The following FSD1L variants were observed in gnomAD, a reference collection of about 807,000 sequenced individuals.
FSD1L encodes the protein FSD1-like protein.
A neutral mutation model predicts 71.6 loss-of-function variants in FSD1L; 45 were observed. The observed-to-expected ratio is 0.63, with a 90% confidence interval of 0.49 to 0.81. The LOEUF is 0.81. Ranked by LOEUF, FSD1L falls within the 30% of genes least tolerant of loss-of-function variation. The pLI is 0.00. For missense variants in FSD1L, 561 were observed against 618.1 expected, an observed-to-expected ratio of 0.91 and a Z score of 0.98; for synonymous variants, 197 against 207.2, an observed-to-expected ratio of 0.95 and a Z score of 0.42.
chr9:105,483,264 TAACTA>T (rs1832328136), intron 6 of FSD1L, among the ~76,000 whole-genome samples: 1 of 152,074 alleles, frequency 6.6e-6, no homozygotes, highest in African/African-American at 2.4e-5. Flanking sequence ...TGAAGTAAAA[TAACTA>T]AATACAGAAA....
At chr9:105,494,673 G>C (rs1319267816) in intron 7 of FSD1L, among the ~76,000 whole-genome samples, 1 of 152,136 alleles carries the variant, frequency 6.6e-6, no homozygotes, top group Non-Finnish European at 1.5e-5. Context: ...GTACAGATGG[G>C]TTTTTGGCGT....
chr9:105,450,534 C>CTTTTTTTTTTTTTTTT (rs35115121), intron 1 of FSD1L, among the ~76,000 whole-genome samples: 12 of 137,944 alleles, frequency 8.7e-5, no homozygotes, highest in African/African-American at 3.2e-4. Context: ...GGATTGTGTT[C>CTTTTTTTTTTTTTTTT]TTTTTTTTTT....
chr9:105,517,538 A>G (rs903796637), intron 10 of FSD1L, among the ~76,000 whole-genome samples: 4 of 152,360 alleles, frequency 2.6e-5, no homozygotes, highest in Admixed American at 1.3e-4. Flanking sequence ...TTTTCAACCC[A>G]GAATTTCATA....
intron 10 of FSD1L, chr9:105,525,594 C>A (rs770261247): frequency 5.7e-5 from 92 of 1,612,822 alleles, no homozygotes; most frequent in Middle Eastern, 1.6e-4. Flanking sequence ...AACGGAGGAG[C>A]TTTCATCTCC....
At chr9:105,517,536 C>G (rs911321359) in intron 10 of FSD1L, among the ~76,000 whole-genome samples, 6 of 152,110 alleles carry the variant, frequency 3.9e-5, no homozygotes, top group African/African-American at 1.4e-4. Flanking sequence ...AATTTTCAAC[C>G]CAGAATTTCA....
intron 7 of FSD1L, among the ~76,000 whole-genome samples, chr9:105,494,975 T>A (rs186380722): frequency 2.6e-5 from 4 of 152,302 alleles, no homozygotes; most frequent in African/African-American, 9.6e-5. Context: ...TTGAGGAGGC[T>A]GTCTGCCTGT....
At chr9:105,474,400 T>G (rs917895743) in intron 5 of FSD1L, among the ~76,000 whole-genome samples, 3 of 152,242 alleles carry the variant, frequency 2.0e-5, no homozygotes, top group Admixed American at 2.0e-4. Context: ...AAATCTGGGT[T>G]TATCATTTAG....
At chr9:105,452,564 GT>G (rs1215538445) in intron 1 of FSD1L, among the ~76,000 whole-genome samples, 1 of 151,954 alleles carries the variant, frequency 6.6e-6, no homozygotes, top group Admixed American at 6.5e-5. Flanking sequence ...AACTTAAAAT[GT>G]AACAGGGATA....
rs144082914 is a variant in FSD1L at position 105,528,592 on chromosome 9, A to G, written c.1026-5901A>G. On this transcript the variant is annotated intron_variant, in intron 10 of 13. Coordinates refer to ENST00000481272, the MANE Select transcript of FSD1L (RefSeq NM_001145313.3). ...ACTGGCTAGCTATGCAGAAAACTGA[A>G]ACTGGACCCCTTCCTTACACCTTAC... 8.3e-3 allele frequency among the ~76,000 whole-genome samples: 1,264 copies of G among 152,306 alleles called. 19 individuals carry two copies. The highest frequency in any genetic ancestry group is 0.029 in the African/African-American group (1,208 of 41,558).
intron 3 of FSD1L, among the ~76,000 whole-genome samples, chr9:105,465,044 A>AATAAAAGG (rs759529459): frequency 6.6e-6 from 1 of 152,210 alleles, no homozygotes; most frequent in Non-Finnish European, 1.5e-5. Context: ...GTAACATAAA[A>AATAAAAGG]ATAAAAGGTA....
Position 105,484,648 on chromosome 9 carries a change from G to GT in FSD1L, c.586+155dup, listed in dbSNP as rs934467393. Reference sequence around the variant, plus strand: ...AGCTAAGGAATAATTAAATTTGCTAGTTTTTTTTTATTTTTAGAGATTTTA... The same window carrying GT: ...AGCTAAGGAATAATTAAATTTGCTAGTTTTTTTTTTATTTTTAGAGATTTTA... On this transcript the variant is annotated intron_variant, in intron 7 of 13. Coordinates refer to ENST00000481272, the MANE Select transcript of FSD1L (RefSeq NM_001145313.3). 754 of 480,918 alleles carry GT rather than the reference G, an allele frequency of 1.6e-3. 1 individual carries two copies. Among genetic ancestry groups the GT allele is most frequent in the African/African-American group, 2.8e-3 (137 of 49,010 alleles). The allele number at this position is 480,918 out of a possible 1,614,324, so 29.8% of individuals were successfully genotyped here.
intron 12 of FSD1L, among the ~76,000 whole-genome samples, chr9:105,538,258 T>G (rs775028963): frequency 3.3e-5 from 5 of 152,248 alleles, no homozygotes; most frequent in Non-Finnish European, 7.3e-5. Context: ...TGTACCGTTA[T>G]GCTGTTTACC....
chr9:105,459,991 G>C (rs1005754898), intron 1 of FSD1L, among the ~76,000 whole-genome samples: 1 of 152,172 alleles, frequency 6.6e-6, no homozygotes, highest in African/African-American at 2.4e-5. Flanking sequence ...TGCTGTACTG[G>C]AACTCCTTGT....
rs1326432284 is a variant in FSD1L, at chr9:105,546,889, A to G, written c.*406A>G. The stretch of plus-strand genomic sequence containing the variant: ...TTTTAAAATCTCATTACTATCTATT[A>G]TTTAGTTCTAACACAGAAGCTTTAA... On this transcript the variant is annotated 3_prime_UTR_variant, in exon 14 of 14. Transcript: ENST00000481272. The G allele has an allele frequency of 6.6e-6, 1 of 152,466 alleles. No individual in the cohort carries two copies. The highest frequency in any genetic ancestry group is 1.5e-5 in the Non-Finnish European group (1 of 68,292). 9.4% of individuals were successfully genotyped at this position (152,466 alleles called of 1,614,324 possible). A position where few individuals can be genotyped will look rare whatever the true frequency, so the allele number is the denominator to read the frequency against.
Position 105,552,039 on chromosome 9 carries a change from A to C in FSD1L, c.*5556A>C, listed in dbSNP as rs920674751. ...TGGTTATCTCTTGGTATCTCTCCTG[A>C]CATATTTGTTTTGCTTTAAATTGGA... On this transcript the variant is annotated 3_prime_UTR_variant, in exon 14 of 14. Transcript: ENST00000481272. The C allele has an allele frequency of 6.6e-6, 1 of 152,160 alleles. No homozygotes were observed. The highest frequency in any genetic ancestry group is 1.5e-5 in the Non-Finnish European group (1 of 68,026). 9.4% of individuals were successfully genotyped at this position (152,160 alleles called of 1,614,324 possible). A position where few individuals can be genotyped will look rare whatever the true frequency, so the allele number is the denominator to read the frequency against.
intron 7 of FSD1L, among the ~76,000 whole-genome samples, chr9:105,488,413 T>G (rs763522853): frequency 3.3e-5 from 5 of 152,224 alleles, no homozygotes; most frequent in Non-Finnish European, 7.4e-5. Flanking sequence ...CCATGGTTTA[T>G]TCATTTATAC....
intron 1 of FSD1L, among the ~76,000 whole-genome samples, chr9:105,456,168 A>G (rs1431259793): frequency 6.6e-6 from 1 of 152,188 alleles, no homozygotes; most frequent in Non-Finnish European, 1.5e-5. Flanking sequence ...TGACCTTTTC[A>G]TGAACCTCTG....
At chr9:105,532,721 G>T (rs1835973019) in intron 10 of FSD1L, among the ~76,000 whole-genome samples, 1 of 152,102 alleles carries the variant, frequency 6.6e-6, no homozygotes, top group South Asian at 2.1e-4. Context: ...GTTTTTAGTT[G>T]TCTTTTTAAA....
chr9:105,449,834 A>G (rs1013157437), intron 1 of FSD1L, among the ~76,000 whole-genome samples: 4 of 152,152 alleles, frequency 2.6e-5, no homozygotes, highest in African/African-American at 4.8e-5. Flanking sequence ...ATTTGAACCT[A>G]TTTGTTCTCA....
Sources: gnomAD v4.1 joint callset for allele counts (sites outside exome capture counted in the v4.1 genomes callset) on GRCh38, gnomAD v4.1.1 for gene constraint, MANE v1.5 for transcripts, NCBI Gene and HGNC (gene_info 2026-07-23, HGNC 2026-07-21) for gene names.